Variants in TRPM3 observed in about 807,000 individuals in gnomAD.
The protein encoded by TRPM3 is long transient receptor potential channel 3.
A neutral mutation model predicts 181.2 loss-of-function variants in TRPM3; 77 were observed. That is an observed-to-expected ratio of 0.42 (90% CI 0.35 to 0.51). The LOEUF is 0.51. Among genes scored for constraint, TRPM3 ranks in the 20% least tolerant of loss-of-function variants. The pLI is 0.01. For synonymous variants in TRPM3, 745 were observed against 796.4 expected (o/e 0.94, Z 1.09); for missense variants, 1,759 against 2,196.7 (o/e 0.80, Z 3.98).
intron 1 of TRPM3, among the ~76,000 whole-genome samples, chr9:71,056,158 C>T (rs975258799): frequency 2.0e-5 from 3 of 151,974 alleles, no homozygotes; most frequent in Non-Finnish European, 2.9e-5. Context: ...AAAACAACAT[C>T]CTTGAGGGCA....
chr9:71,156,334 G>T (rs2075996894), intron 1 of TRPM3, among the ~76,000 whole-genome samples: 1 of 150,036 alleles, frequency 6.7e-6, no homozygotes, highest in Non-Finnish European at 1.5e-5. Context: ...GATACCACGA[G>T]CACCTATCTT....
chr9:70,863,769 T>C (rs1028179505), intron 2 of TRPM3, among the ~76,000 whole-genome samples: 2 of 152,156 alleles, frequency 1.3e-5, no homozygotes, highest in African/African-American at 2.4e-5. Flanking sequence ...GTAGCTGCCA[T>C]TTATTAAAAA....
intron 1 of TRPM3, among the ~76,000 whole-genome samples, chr9:70,967,521 G>A (rs776519563): frequency 1.3e-5 from 2 of 152,008 alleles, no homozygotes; most frequent in Non-Finnish European, 2.9e-5. Context: ...ACAGATAGTT[G>A]CATAAAATAA....
chr9:71,216,981 C>G (rs955287707), intron 1 of TRPM3, among the ~76,000 whole-genome samples: 9 of 107,410 alleles, frequency 8.4e-5, no homozygotes, highest in Admixed American at 1.4e-4. Context: ...GACGGAGTCT[C>G]GCTCTGTCGC....
At chr9:70,694,825 T>G (rs999622823) in intron 8 of TRPM3, among the ~76,000 whole-genome samples, 1 of 152,248 alleles carries the variant, frequency 6.6e-6, no homozygotes, top group East Asian at 1.9e-4. Context: ...ATTACCATTT[T>G]AAAAATGTTG....
chr9:71,027,265 CA>C (rs1436265569), intron 1 of TRPM3, among the ~76,000 whole-genome samples: 1 of 152,152 alleles, frequency 6.6e-6, no homozygotes, highest in Non-Finnish European at 1.5e-5. Context: ...CACCTTATAC[CA>C]TCATCAAACC....
At chr9:71,231,676 G>A (rs766043323) in intron 1 of TRPM3, among the ~76,000 whole-genome samples, 3 of 152,142 alleles carry the variant, frequency 2.0e-5, no homozygotes, top group Non-Finnish European at 4.4e-5. Context: ...AATTAACATA[G>A]CAACAGAAAA....
At chr9:70,758,338 A>G (rs2077460565) in intron 8 of TRPM3, among the ~76,000 whole-genome samples, 1 of 152,222 alleles carries the variant, frequency 6.6e-6, no homozygotes, top group South Asian at 2.1e-4. Context: ...AAAGGACACA[A>G]ACAAATGGAA....
At chr9:70,822,648 C>T (rs1738213630) in intron 6 of TRPM3, among the ~76,000 whole-genome samples, 1 of 151,820 alleles carries the variant, frequency 6.6e-6, no homozygotes, top group South Asian at 2.1e-4. Context: ...TGCACAAAAA[C>T]AATGTAAATA....
chr9:71,095,841 A>T (rs2067096038), intron 1 of TRPM3, among the ~76,000 whole-genome samples: 1 of 151,906 alleles, frequency 6.6e-6, no homozygotes, highest in Admixed American at 6.6e-5. Context: ...ATTTACCTGT[A>T]TTATCTTCTA....
rs373556869 is a variant in TRPM3 at position 71,004,533 on chromosome 9, C to T, written c.177+116645G>A. Among the ~76,000 whole-genome samples, 4 of 152,318 alleles carry T rather than the reference C, an allele frequency of 2.6e-5. No individual in the cohort carries two copies. In the East Asian group the frequency reaches 7.7e-4, roughly 29 times the overall value. On this transcript the variant is annotated intron_variant, in intron 1 of 25. Coordinates refer to ENST00000677713, the MANE Select transcript of TRPM3 (RefSeq NM_001366145.2). The stretch of plus-strand genomic sequence containing the variant: ...TGGAACAGGCAAATGGGGGAGGTCT[C>T]CTCCTATATGCAGGCATCAATGTAA...
At chr9:71,135,736 T>C (rs2074723379) in intron 1 of TRPM3, among the ~76,000 whole-genome samples, 1 of 152,146 alleles carries the variant, frequency 6.6e-6, no homozygotes, top group African/African-American at 2.4e-5. Flanking sequence ...GTTTATGCTG[T>C]GGAACATCTG....
intron 7 of TRPM3, chr9:70,776,551 C>G: frequency 1.5e-6 from 1 of 651,934 alleles, no homozygotes; most frequent in South Asian, 1.8e-5. Flanking sequence ...CTTAAAAACT[C>G]CATGTAAATA....
At chr9:71,241,680 A>G (rs1282763643) in intron 1 of TRPM3, among the ~76,000 whole-genome samples, 1 of 152,176 alleles carries the variant, frequency 6.6e-6, no homozygotes, top group East Asian at 1.9e-4. Context: ...CAACCATGTA[A>G]CATTCTTCAC....
chr9:70,572,402 A>G (rs1362397321), intron 22 of TRPM3, among the ~76,000 whole-genome samples: 1 of 152,218 alleles, frequency 6.6e-6, no homozygotes, highest in Non-Finnish European at 1.5e-5. Context: ...TACTGTTTGT[A>G]CATTACTATT....
intron 1 of TRPM3, among the ~76,000 whole-genome samples, chr9:70,932,326 G>T (rs949196147): frequency 6.6e-6 from 1 of 151,988 alleles, no homozygotes; most frequent in African/African-American, 2.4e-5. Context: ...CTGCCTGCTT[G>T]CCTGTCCACC....
At chr9:70,662,021 ATAC>A (rs2061203858) in intron 9 of TRPM3, among the ~76,000 whole-genome samples, 1 of 152,198 alleles carries the variant, frequency 6.6e-6, no homozygotes. Flanking sequence ...ACTTCAAGTT[ATAC>A]TACAAGGTTA....
At chr9:70,797,222 C>T (rs944353021) in intron 6 of TRPM3, among the ~76,000 whole-genome samples, 1 of 152,146 alleles carries the variant, frequency 6.6e-6, no homozygotes, top group East Asian at 1.9e-4. Context: ...ATTTTCTCCT[C>T]ATCAACTGAC....
chr9:70,921,888 C>T (rs1216442436), intron 1 of TRPM3, among the ~76,000 whole-genome samples: 3 of 149,130 alleles, frequency 2.0e-5, no homozygotes, highest in Admixed American at 6.7e-5. Context: ...AATTTCCCAA[C>T]GGAGCTTTAA....
Sources: allele counts gnomAD v4.1 joint callset (sites outside exome capture counted in the v4.1 genomes callset), GRCh38; gene constraint gnomAD v4.1.1; transcripts MANE v1.5; gene names NCBI Gene and HGNC (gene_info 2026-07-23, HGNC 2026-07-21).